The following MYBPH variants were observed in gnomAD, a reference collection of about 807,000 sequenced individuals.
MYBPH encodes myosin-binding protein H.
A neutral mutation model predicts 53.6 loss-of-function variants in MYBPH; 49 were observed. That is an observed-to-expected ratio of 0.91 (90% confidence interval 0.73 to 1.16). MYBPH has a LOEUF of 1.16. Among genes scored for constraint, MYBPH ranks in the 50% most tolerant of loss-of-function variants. The pLI, the probability that MYBPH is intolerant of heterozygous loss-of-function variation, is 0.00. For synonymous variants in MYBPH, 239 were observed against 249.6 expected (o/e 0.96, Z 0.40); for missense variants, 558 against 624.1 (o/e 0.89, Z 1.13).
rs199941514 is a variant in MYBPH at position 203,171,931 on chromosome 1, C to A, written c.597+21G>T. The A allele has an allele frequency of 7.6e-7, 1 of 1,315,614 alleles. No individual in the cohort carries two copies. The highest frequency in any genetic ancestry group is 2.8e-5 in the East Asian group (1 of 35,322). 81.5% of individuals were successfully genotyped at this position (1,315,614 alleles called of 1,614,324 possible). A position where few individuals can be genotyped will look rare whatever the true frequency, so the allele number is the denominator to read the frequency against. ...CCTGGTTCCCACCCAGGCTGTTACC[C>A]TTGGTGGGGGTAATACCCACCTGGA... On this transcript the variant is annotated intron_variant, in intron 4 of 10. Transcript: ENST00000255416. The surrounding 1 kb of genome is among the most constrained non-coding windows in gnomAD (Gnocchi z 4.2).
At chr1:203,170,559 A>G in intron 6 of MYBPH, 109 bp from the exon 7 acceptor site, 1 of 1,392,832 alleles carries the variant, frequency 7.2e-7, no homozygotes, top group Non-Finnish European at 9.7e-7. Context: ...CAACCTTAGG[A>G]TGCTGAACCA....
intron 10 of MYBPH, 27 bp downstream of exon 10, chr1:203,168,600 A>G (rs1009257953): frequency 9.1e-6 from 14 of 1,545,910 alleles, no homozygotes; most frequent in African/African-American, 1.4e-5. Context: ...CACAGAGGTA[A>G]CAGAGTGGGT....
upstream of MYBPH, among the ~76,000 whole-genome samples, chr1:203,176,608 G>A (rs546332828): frequency 5.9e-5 from 9 of 152,274 alleles, 1 homozygote; most frequent in South Asian, 1.9e-3. Flanking sequence ...ACTCTTCCAA[G>A]CAGGCTGTGG....
At chr1:203,169,161 A>G (rs1571819634) in intron 8 of MYBPH, 69 bp from the exon 9 acceptor site, 2 of 1,590,420 alleles carry the variant, frequency 1.3e-6, no homozygotes, top group East Asian at 2.2e-5. Flanking sequence ...AGCTATCCCC[A>G]GGCTTAGGTG....
intron 8 of MYBPH, 68 bp downstream of exon 8, chr1:203,169,185 G>T (rs1655647767): frequency 6.3e-7 from 1 of 1,576,626 alleles, no homozygotes; most frequent in Non-Finnish European, 8.6e-7. Flanking sequence ...ACGCCCGGAG[G>T]ATTCCTCAGC....
At position 203,171,573 on chromosome 1, in the gene MYBPH, C is replaced by T. The variant is rs1191040100; in HGVS notation, c.603G>A (p.Lys201=). ...GGGTCCATGTGGCCTGAGGCTTAGGCTTCCCCTGGCAGGGAGGAGCCCCCA... is the reference window on the plus strand; with the variant it reads ...GGGTCCATGTGGCCTGAGGCTTAGGTTTCCCCTGGCAGGGAGGAGCCCCCA... ...TVNLQIPFQG[K]PKPQATWTHN... The change falls in exon 5 of 11, where the codon AAG becomes AAA. Residue 201 remains lysine, a synonymous_variant. Transcript: ENST00000255416. The surrounding 1 kb of genome is among the most constrained non-coding windows in gnomAD (Gnocchi z 4.2). 1.2e-5 allele frequency: 20 copies of T among 1,611,256 alleles called. No individual in the cohort carries two copies. The highest frequency in any genetic ancestry group is 1.6e-5 in the Non-Finnish European group (19 of 1,179,320).
At chr1:203,169,148 A>G in intron 8 of MYBPH, 56 bp from the exon 9 acceptor site, 1 of 1,597,058 alleles carries the variant, frequency 6.3e-7, no homozygotes, top group Non-Finnish European at 8.5e-7. Flanking sequence ...CGGGGCTCTC[A>G]ACAGCTATCC....
upstream of MYBPH, among the ~76,000 whole-genome samples, chr1:203,177,272 G>A (rs1655829993): frequency 6.6e-6 from 1 of 152,246 alleles, no homozygotes; most frequent in African/African-American, 2.4e-5. Context: ...GGCTGCAGGG[G>A]TGCTAATGAG....
chr1:203,171,011 C>G lies in MYBPH; in HGVS notation c.933+50G>C, dbSNP rs776148617. Reference sequence around the variant, plus strand: ...ACTCAGTGGGATGGGCCTTCCCCACCACCTTGACCACTTCGTACCCCGACC... The same window carrying G: ...ACTCAGTGGGATGGGCCTTCCCCACGACCTTGACCACTTCGTACCCCGACC... On this transcript the variant is annotated intron_variant, in intron 6 of 10. Coordinates refer to ENST00000255416, the MANE Select transcript of MYBPH (RefSeq NM_004997.3). This position sits in a 1 kb window ranked among gnomAD's most constrained non-coding sequence, Gnocchi z 4.2. 15 of 1,523,388 alleles carry G rather than the reference C, an allele frequency of 9.8e-6. No individual in the cohort carries two copies. In the South Asian group the frequency reaches 1.0e-4, roughly 11 times the overall value. The allele number at this position is 1,523,388 out of a possible 1,614,324, so 94.4% of individuals were successfully genotyped here.
At position 203,171,428 on chromosome 1, in the gene MYBPH, C is replaced by A. The variant is rs139911521; in HGVS notation, c.748G>T (p.Val250Leu). 6.2e-7 allele frequency: 1 copy of A among 1,613,984 alleles called. No individual in the cohort carries two copies. ...DSGRYELTVR[V>L]EDLEAKAVID... Reference sequence around the variant, plus strand: ...ACTGCCTTGGCCTCCAGGTCTTCCACGCGCACAGTGAGCTCGTAGCGGCCA... The same window carrying A: ...ACTGCCTTGGCCTCCAGGTCTTCCAAGCGCACAGTGAGCTCGTAGCGGCCA... Residue 250 changes from valine to leucine, a missense_variant, in exon 5 of 11, where the codon GTG (valine) becomes TTG (leucine). By Grantham distance (32) the Val-to-Leu change is conservative. Coordinates refer to ENST00000255416, the MANE Select transcript of MYBPH (RefSeq NM_004997.3). The surrounding 1 kb of genome is among the most constrained non-coding windows in gnomAD (Gnocchi z 4.2).
In MYBPH at chr1:203,170,429, G is replaced by A. The variant is rs1268283195; in HGVS notation, c.955C>T (p.Arg319Cys). 5 of 1,614,064 alleles carry A rather than the reference G, an allele frequency of 3.1e-6. No homozygotes were observed. The highest frequency in any genetic ancestry group is 2.2e-5 in the East Asian group (1 of 44,878). ...ATGGTGCAGGTGGTTGGGTGGTAGCGCTCCAGCACTGTGAACCATTGCTGC... is the reference window on the plus strand; with the variant it reads ...ATGGTGCAGGTGGTTGGGTGGTAGCACTCCAGCACTGTGAACCATTGCTGC... ...KTGQWFTVLE[R>C]YHPTTCTISD... Residue 319 changes from arginine (R) to cysteine (C), a missense_variant, in exon 7 of 11, where the codon CGC becomes TGC. Physicochemically the swap from Arg to Cys is radical, Grantham distance 180. Transcript: ENST00000255416.
Position 203,171,207 on chromosome 1 carries a change from G to T in MYBPH, c.794-7C>A. The T allele has an allele frequency of 6.3e-7, 1 of 1,583,918 alleles. No homozygotes were observed. The highest frequency in any genetic ancestry group is 8.6e-7 in the Non-Finnish European group (1 of 1,166,680). ...CTGGGGGGTCCAGGTTTCTCTGTAG[G>T]CCCAGAGTGTGAGAGGAAGTGAGTG... On this transcript the variant is annotated splice_polypyrimidine_tract_variant and splice_region_variant and intron_variant, in intron 5 of 10. Transcript: ENST00000255416. This position sits in a 1 kb window ranked among gnomAD's most constrained non-coding sequence, Gnocchi z 4.2.
At chr1:203,168,729 T>C in intron 9 of MYBPH, 54 bp from the exon 10 acceptor site, 1 of 1,592,730 alleles carries the variant, frequency 6.3e-7, no homozygotes, top group Non-Finnish European at 8.6e-7. Flanking sequence ...AACTGGAAAG[T>C]TCACGGTTAT....
chr1:203,175,608 G>T lies in MYBPH; in HGVS notation c.148C>A (p.Pro50Thr), dbSNP rs144728208. The change falls in exon 1 of 11, where the codon CCT (proline) becomes ACT (threonine). Residue 50 changes from proline to threonine, a missense_variant. Physicochemically the swap from Pro to Thr is conservative, Grantham distance 38 (BLOSUM62 -1). Coordinates refer to ENST00000255416, the MANE Select transcript of MYBPH (RefSeq NM_004997.3). ...REEQVPKPQAPAPQAPTASTA... is the reference protein window; with the variant it reads ...REEQVPKPQATAPQAPTASTA... ...GAGGCTGTAGGGGCCTGTGGGGCAGGGGCCTGCGGCTTGGGCACCTGCTCT... is the reference window on the plus strand; with the variant it reads ...GAGGCTGTAGGGGCCTGTGGGGCAGTGGCCTGCGGCTTGGGCACCTGCTCT... 5.6e-6 allele frequency: 9 copies of T among 1,613,974 alleles called. No individual in the cohort carries two copies. Among genetic ancestry groups the T allele is most frequent in the Non-Finnish European group, 6.8e-6 (8 of 1,180,018 alleles).
chr1:203,169,293 T>G lies in MYBPH; in HGVS notation c.1190A>C (p.Tyr397Ser). 1 of 1,613,472 alleles carries G rather than the reference T, an allele frequency of 6.2e-7. No individual in the cohort carries two copies. The highest frequency in any genetic ancestry group is 8.5e-7 in the Non-Finnish European group (1 of 1,179,698). Reference sequence around the variant, plus strand: ...GACACTGCAGAACAACTGGGTGCTGTAGCCAGGGGTGGAGGTGTGGTCAGC... The same window carrying G: ...GACACTGCAGAACAACTGGGTGCTGGAGCCAGGGGTGGAGGTGTGGTCAGC... ...PLADHTSTPG[Y>S]STQLFCSVRA... Residue 397 changes from tyrosine (Y) to serine (S), a missense_variant, in exon 8 of 11, where the codon TAC (tyrosine) becomes TCC (serine). Physicochemically the swap from Tyr to Ser is moderately radical, Grantham distance 144. Coordinates refer to ENST00000255416, the MANE Select transcript of MYBPH (RefSeq NM_004997.3).
chr1:203,175,800 C>T lies in MYBPH; in HGVS notation c.-45G>A. On this transcript the variant is annotated 5_prime_UTR_variant, in exon 1 of 11. Transcript: ENST00000255416. The stretch of plus-strand genomic sequence containing the variant: ...CCAGGGTGGAGTGTGCAGGGGTCAG[C>T]CGTTGGGGGGCCTGGGCCTCTAGGG... The T allele has an allele frequency of 6.2e-7, 1 of 1,600,688 alleles. No individual in the cohort carries two copies. The highest frequency in any genetic ancestry group is 1.1e-5 in the South Asian group (1 of 90,818).
At chr1:203,169,612 A>C (rs1655657897) in intron 7 of MYBPH, among the ~76,000 whole-genome samples, 1 of 152,244 alleles carries the variant, frequency 6.6e-6, no homozygotes, top group South Asian at 2.1e-4. Flanking sequence ...GCATCTTGGC[A>C]GAAGATGGAT....
upstream of MYBPH, among the ~76,000 whole-genome samples, chr1:203,176,706 G>A (rs76308881): frequency 9.6e-3 from 1,455 of 152,226 alleles, 35 homozygotes; most frequent in East Asian, 0.084. Context: ...GTTAAGACTG[G>A]GAATCACTGG....
At chr1:203,175,185 G>C in intron 2 of MYBPH, 142 bp downstream of exon 2, 1 of 1,018,826 alleles carries the variant, frequency 9.8e-7, no homozygotes, top group Non-Finnish European at 1.3e-6. Context: ...AGGGCAGGTG[G>C]GTGGGTTGAG....
Sources: allele counts gnomAD v4.1 joint callset (sites outside exome capture counted in the v4.1 genomes callset), GRCh38; gene constraint gnomAD v4.1.1; non-coding constraint Gnocchi (gnomAD v3.1); transcripts MANE v1.5; gene names NCBI Gene and HGNC (gene_info 2026-07-23, HGNC 2026-07-21).